ATP9A: variants seen among roughly 807,000 people sequenced by gnomAD.
ATP9A encodes the protein ATPase phospholipid transporting 9A.
Under a neutral mutation model 144.1 loss-of-function variants are expected in ATP9A, and 52 were observed. The observed-to-expected ratio is 0.36, with a 90% CI of 0.29 to 0.45. The LOEUF (loss-of-function observed/expected upper bound fraction) is 0.45, where lower values mean the gene tolerates loss of function less well. Among genes scored for constraint, ATP9A ranks in the 20% least tolerant of loss-of-function variants. The probability of loss-of-function intolerance (pLI) is 1.00; values close to 1 mark genes in which losing one functional copy is unlikely to be tolerated. For synonymous variants in ATP9A, 582 were observed against 557.4 expected (o/e 1.04, Z -0.62); for missense variants, 947 against 1,392.7 (o/e 0.68, Z 5.09).
At position 51,599,185 on chromosome 20, in the gene ATP9A, G is replaced by A. The variant is rs529025900; in HGVS notation, c.*2026C>T. Reference sequence around the variant, plus strand: ...GCAGGAGCCAGCATCCCGAATCTCCGAGCAAAGCCAGGTACAGGGTTTGCA... The same window carrying A: ...GCAGGAGCCAGCATCCCGAATCTCCAAGCAAAGCCAGGTACAGGGTTTGCA... On this transcript the variant is annotated 3_prime_UTR_variant, in exon 28 of 28. Coordinates refer to ENST00000338821, the MANE Select transcript of ATP9A (RefSeq NM_006045.3). The A allele has an allele frequency of 3.3e-5, 5 of 152,152 alleles. No individual in the cohort carries two copies. The highest frequency in any genetic ancestry group is 1.9e-4 in the East Asian group (1 of 5,184). 9.4% of individuals were successfully genotyped at this position (152,152 alleles called of 1,614,324 possible).
At chr20:51,668,086 TGGGG>T (rs570147623) in intron 13 of ATP9A, among the ~76,000 whole-genome samples, 14 of 1,460 alleles carry the variant, frequency 9.6e-3, no homozygotes, top group African/African-American at 0.012. Context: ...GGAAGGGAGG[TGGGG>T]GGGGGGGGGG....
chr20:51,761,420 G>A (rs1300112225), intron 1 of ATP9A, among the ~76,000 whole-genome samples: 2 of 152,276 alleles, frequency 1.3e-5, no homozygotes, highest in Non-Finnish European at 2.9e-5. Flanking sequence ...CCCAGGGTCT[G>A]CAGCACACAT....
chr20:51,756,207 T>A (rs190444635), intron 1 of ATP9A, among the ~76,000 whole-genome samples: 1,874 of 151,746 alleles, frequency 0.012, 16 homozygotes, highest in Non-Finnish European at 0.02. Flanking sequence ...TCCTGAGGCC[T>A]CTCTCCTTGG....
intron 15 of ATP9A, among the ~76,000 whole-genome samples, chr20:51,638,399 AC>A (rs1462890461): frequency 6.6e-6 from 1 of 151,652 alleles, no homozygotes; most frequent in Admixed American, 6.6e-5. Context: ...GTGAGGAACC[AC>A]CCCACTCCAA....
rs1568807178 is a variant in ATP9A, at chr20:51,658,893, G to GGCGGC, written c.1294-1744_1294-1743insGCCGC. 1.0e-4 allele frequency among the ~76,000 whole-genome samples: 12 copies of GGCGGC among 119,674 alleles called. 1 individual carries two copies. The highest frequency in any genetic ancestry group is 5.7e-4 in the Admixed American group (7 of 12,344). 78.5% of individuals were successfully genotyped at this position (119,674 alleles called of 152,430 possible). A position where few individuals can be genotyped will look rare whatever the true frequency, so the allele number is the denominator to read the frequency against. On this transcript the variant is annotated intron_variant, in intron 13 of 27. Coordinates refer to ENST00000338821, the MANE Select transcript of ATP9A (RefSeq NM_006045.3). ...ATGAAAATTAAGACCACTGGCGGGG[G>GGCGGC]GGGGGGGGGGAAGGCTCATTGTTGA... is the stretch of plus-strand genomic sequence containing the variant.
At chr20:51,763,398 T>C (rs1198951216) in intron 1 of ATP9A, among the ~76,000 whole-genome samples, 2 of 151,750 alleles carry the variant, frequency 1.3e-5, no homozygotes, top group Non-Finnish European at 2.9e-5. Flanking sequence ...CTGCCAGCTC[T>C]GCCTCCTGGG....
intron 15 of ATP9A, among the ~76,000 whole-genome samples, chr20:51,632,951 C>T (rs1313069190): frequency 1.3e-5 from 2 of 151,924 alleles, no homozygotes; most frequent in Non-Finnish European, 2.9e-5. Flanking sequence ...GGTGAAACCC[C>T]GTCTCTACTA....
In ATP9A at chr20:51,625,303, C is replaced by T. The variant is rs1275523633; in HGVS notation, c.1905G>A (p.Val635=). 6.2e-7 allele frequency: 1 copy of T among 1,614,244 alleles called. No homozygotes were observed. The highest frequency in any genetic ancestry group is 8.5e-7 in the Non-Finnish European group (1 of 1,180,042). Residue 635 remains valine, a synonymous_variant, in exon 18 of 28, where the codon GTG becomes GTA. Coordinates refer to ENST00000338821, the MANE Select transcript of ATP9A (RefSeq NM_006045.3). ...VHDRSLKVAT[V]IESLEMEMEL... is the part of the protein sequence containing the mutation. ...CCATCTCCATCTCCAGGCTCTCGATCACCGTGGCCACTTTGAGGGAGCGGT... is the reference window on the plus strand; with the variant it reads ...CCATCTCCATCTCCAGGCTCTCGATTACCGTGGCCACTTTGAGGGAGCGGT...
At chr20:51,718,546 G>A (rs2077672749) in intron 3 of ATP9A, among the ~76,000 whole-genome samples, 2 of 151,936 alleles carry the variant, frequency 1.3e-5, no homozygotes, top group Non-Finnish European at 2.9e-5. Context: ...GGCTTGAGTC[G>A]AGCGCTCACA....
At chr20:51,764,140 T>C (rs1293149219) in intron 1 of ATP9A, among the ~76,000 whole-genome samples, 3 of 152,198 alleles carry the variant, frequency 2.0e-5, no homozygotes, top group Admixed American at 6.5e-5. Flanking sequence ...TACATAATTA[T>C]TGATATTCCC....
At chr20:51,631,252 A>G (rs906614024) in intron 15 of ATP9A, among the ~76,000 whole-genome samples, 6 of 152,232 alleles carry the variant, frequency 3.9e-5, no homozygotes, top group South Asian at 2.1e-4. Context: ...ATGCTGACTC[A>G]TAAGAGCACC....
chr20:51,684,905 G>A (rs1601103169), intron 9 of ATP9A, among the ~76,000 whole-genome samples: 1 of 151,152 alleles, frequency 6.6e-6, no homozygotes, highest in African/African-American at 2.4e-5. Flanking sequence ...CGGCTACTAG[G>A]GAGGCTGAGG....
At chr20:51,624,629 G>T (rs147805765) in intron 18 of ATP9A, among the ~76,000 whole-genome samples, 1 of 152,078 alleles carries the variant, frequency 6.6e-6, no homozygotes, top group Admixed American at 6.6e-5. Flanking sequence ...GACACTGCTC[G>T]GCCTTGAGCA....
intron 4 of ATP9A, among the ~76,000 whole-genome samples, chr20:51,702,734 C>G (rs1040252475): frequency 6.6e-6 from 1 of 152,130 alleles, no homozygotes; most frequent in Non-Finnish European, 1.5e-5. Flanking sequence ...TTTCTAACTT[C>G]ACAGCAACCA....
At position 51,633,919 on chromosome 20, in the gene ATP9A, G is replaced by C. The variant is rs1215173022; in HGVS notation, c.1669-4847C>G. Among the ~76,000 whole-genome samples the C allele has an allele frequency of 2.6e-5, 4 of 151,000 alleles. No homozygotes were observed. In the East Asian group the frequency reaches 7.8e-4, roughly 29 times the overall value. ...GGGAGGGAGGGAGGAAGAAAGGGAGGGAGGGAGAGAGAGAGGGAGGGCAGT... is the reference window on the plus strand; with the variant it reads ...GGGAGGGAGGGAGGAAGAAAGGGAGCGAGGGAGAGAGAGAGGGAGGGCAGT... On this transcript the variant is annotated intron_variant, in intron 15 of 27. Transcript: ENST00000338821.
At position 51,621,930 on chromosome 20, in the gene ATP9A, T is replaced by C; in HGVS notation, c.2115+144A>G. 4 of 686,588 alleles carry C rather than the reference T, an allele frequency of 5.8e-6. No homozygotes were observed. The South Asian group carries it at 7.7e-5, about 13-fold the overall frequency. The allele number at this position is 686,588 out of a possible 1,614,324, so 42.5% of individuals were successfully genotyped here. A position where few individuals can be genotyped will look rare whatever the true frequency, so the allele number is the denominator to read the frequency against. ...GGCGCCTGGGTCATTAATCATCCCA[T>C]CCAAAGCAACCGTGGTTGATGCTCC... On this transcript the variant is annotated intron_variant, in intron 19 of 27. Coordinates refer to ENST00000338821, the MANE Select transcript of ATP9A (RefSeq NM_006045.3).
At chr20:51,720,825 C>G (rs1424757717) in intron 3 of ATP9A, among the ~76,000 whole-genome samples, 1 of 152,146 alleles carries the variant, frequency 6.6e-6, no homozygotes, top group East Asian at 1.9e-4. Context: ...CACAGCGAGA[C>G]TCTGTCTCAC....
chr20:51,719,801 CT>C (rs374638126), intron 3 of ATP9A, among the ~76,000 whole-genome samples: 82 of 126,510 alleles, frequency 6.5e-4, no homozygotes, highest in African/African-American at 2.5e-3. Flanking sequence ...AATCCCAATA[CT>C]TTGGGAGGCC....
chr20:51,724,477 C>T (rs1420427791), intron 3 of ATP9A, among the ~76,000 whole-genome samples: 1 of 152,206 alleles, frequency 6.6e-6, no homozygotes, highest in Non-Finnish European at 1.5e-5. Flanking sequence ...AAGGCTGCCC[C>T]TTCACATCTC....
Sources: allele counts gnomAD v4.1 joint callset (sites outside exome capture counted in the v4.1 genomes callset), GRCh38; gene constraint gnomAD v4.1.1; transcripts MANE v1.5; gene names NCBI Gene and HGNC (gene_info 2026-07-23, HGNC 2026-07-21).